The following KIAA1755 variants were observed in gnomAD, a reference collection of about 807,000 sequenced individuals.
The protein encoded by KIAA1755 is uncharacterized protein KIAA1755.
A neutral mutation model predicts 91.7 loss-of-function variants in KIAA1755; 68 were observed. The ratio of observed to expected loss-of-function variants is 0.74; its 90% CI spans 0.61 to 0.91. The LOEUF is 0.91. KIAA1755 is among the 40% of genes least tolerant of loss of function. The pLI is 0.00. For synonymous variants in KIAA1755, 610 were observed against 604.6 expected (o/e 1.01, Z -0.13); for missense variants, 1,535 against 1,494.4 (o/e 1.03, Z -0.45).
rs1471127316 is a variant in KIAA1755, at chr20:38,213,401, C to A, written c.3244G>T (p.Val1082Leu). ...CACCTCCCCTTGGAAGTGACCTCTA[C>A]ACTCACACCCTGGCCCTTGGCTGCC... ...GVAAKGQGVSVEVTSKGRWDQ... is the reference protein window; with the variant it reads ...GVAAKGQGVSLEVTSKGRWDQ... The change falls in exon 14 of 14, where the codon GTA becomes TTA. Residue 1082 changes from valine (V) to leucine (L), a missense_variant. Physicochemically the swap from Val to Leu is conservative, Grantham distance 32. Transcript: ENST00000279024. 1.9e-6 allele frequency: 3 copies of A among 1,600,782 alleles called. No homozygotes were observed. The highest frequency in any genetic ancestry group is 3.4e-5 in the Admixed American group (2 of 58,006).
intron 12 of KIAA1755, chr20:38,217,846 C>T (rs1466561108): frequency 9.5e-6 from 4 of 419,182 alleles, no homozygotes; most frequent in East Asian, 4.4e-5. Flanking sequence ...CCCCCGCCCC[C>T]GCTCCCCACT....
intron 4 of KIAA1755, 130 bp downstream of exon 4, chr20:38,239,398 C>A: frequency 1.4e-6 from 1 of 724,656 alleles, no homozygotes; most frequent in Non-Finnish European, 2.3e-6. Flanking sequence ...GAAACTGAGG[C>A]CCAAGGAGGC....
rs6023995 is a variant in KIAA1755 at position 38,213,641 on chromosome 20, G to C, written c.3004C>G (p.Leu1002Val). 2.2e-5 allele frequency: 36 copies of C among 1,610,106 alleles called. No homozygotes were observed. Among genetic ancestry groups the C allele is most frequent in the Non-Finnish European group, 2.8e-5 (33 of 1,178,258 alleles). ...GGGAACTCAGATGCCAGTCGCTGCA[G>C]GTAGCGGTGGAGGCGGCGCTGGTCC... ...PGDQRRLHRY[L>V]QRLASEFPAE... Residue 1002 changes from leucine to valine, a missense_variant, in exon 14 of 14, where the codon CTG becomes GTG. Physicochemically the swap from Leu to Val is conservative, Grantham distance 32. Coordinates refer to ENST00000279024, the MANE Select transcript of KIAA1755 (RefSeq NM_001029864.2).
rs1227653198 is a variant in KIAA1755 at position 38,212,924 on chromosome 20, T to G, written c.*118A>C. On this transcript the variant is annotated 3_prime_UTR_variant, in exon 14 of 14. Coordinates refer to ENST00000279024, the MANE Select transcript of KIAA1755 (RefSeq NM_001029864.2). The stretch of plus-strand genomic sequence containing the variant: ...TCATCCTCCCAGCAGAGGCAGAATG[T>G]AAAACCAGTGCTCCATGGTGACGTC... 1.3e-6 allele frequency: 1 copy of G among 769,192 alleles called. No homozygotes were observed. Among genetic ancestry groups the G allele is most frequent in the Non-Finnish European group, 2.0e-6 (1 of 493,952 alleles). 47.6% of individuals were successfully genotyped at this position (769,192 alleles called of 1,614,324 possible). A position where few individuals can be genotyped will look rare whatever the true frequency, so the allele number is the denominator to read the frequency against.
chr20:38,246,859 T>A (rs1429328670), intron 1 of KIAA1755, among the ~76,000 whole-genome samples: 1 of 152,130 alleles, frequency 6.6e-6, no homozygotes, highest in Non-Finnish European at 1.5e-5. Context: ...GCCAGAAATC[T>A]GCTCACAGCA....
intron 1 of KIAA1755, among the ~76,000 whole-genome samples, chr20:38,254,770 G>A (rs978334138): frequency 2.0e-5 from 3 of 150,874 alleles, no homozygotes; most frequent in Admixed American, 1.3e-4. Flanking sequence ...TGGGCAGAGC[G>A]AGTCCCCAAC....
intron 2 of KIAA1755, 106 bp from the exon 3 acceptor site, chr20:38,242,035 T>TGTTCC: frequency 5.1e-6 from 6 of 1,169,204 alleles, no homozygotes; most frequent in Non-Finnish European, 6.1e-6. Context: ...GGTCAGGGAC[T>TGTTCC]AGGATGAGGC....
At position 38,239,703 on chromosome 20, in the gene KIAA1755, T is replaced by A; in HGVS notation, c.1572A>T (p.Thr524=). ...LGKAGTTQTK[T]SGPATAPSPL... ...GGCTGGGGGCAGTGGCTGGGCCAGATGTTTTGGTCTGAGTTGTTCCAGCTG... is the reference window on the plus strand; with the variant it reads ...GGCTGGGGGCAGTGGCTGGGCCAGAAGTTTTGGTCTGAGTTGTTCCAGCTG... The change falls in exon 4 of 14, where the codon ACA becomes ACT. Residue 524 remains threonine (T), a synonymous_variant. Coordinates refer to ENST00000279024, the MANE Select transcript of KIAA1755 (RefSeq NM_001029864.2). The A allele has an allele frequency of 6.2e-7, 1 of 1,612,406 alleles. No homozygotes were observed. Among genetic ancestry groups the A allele is most frequent in the Non-Finnish European group, 8.5e-7 (1 of 1,179,954 alleles).
At chr20:38,233,764 T>C (rs907431923) in intron 4 of KIAA1755, 7 of 152,126 alleles carry the variant, frequency 4.6e-5, no homozygotes, top group African/African-American at 1.7e-4. Flanking sequence ...GGCATTGAAG[T>C]GTCTCAGGCT....
intron 1 of KIAA1755, among the ~76,000 whole-genome samples, chr20:38,252,752 T>G (rs1488363879): frequency 6.6e-6 from 1 of 152,150 alleles, no homozygotes; most frequent in Non-Finnish European, 1.5e-5. Flanking sequence ...CTGTTACCAT[T>G]TAAGGGGCAG....
chr20:38,218,188 C>G (rs1022919596), intron 12 of KIAA1755, 56 bp downstream of exon 12: 94 of 1,609,338 alleles, frequency 5.8e-5, no homozygotes, highest in Non-Finnish European at 7.7e-5. Flanking sequence ...AGTGCCACCC[C>G]CTCTAACGCC....
chr20:38,219,558 C>G (rs181893709), intron 11 of KIAA1755, 72 bp downstream of exon 11: 6 of 1,583,714 alleles, frequency 3.8e-6, no homozygotes, highest in Non-Finnish European at 5.2e-6. Context: ...AGGGACGGGC[C>G]CAGAGTCGGG....
Position 38,231,312 on chromosome 20 carries a change from C to A in KIAA1755, c.1761G>T (p.Arg587Ser). 1 of 1,608,784 alleles carries A rather than the reference C, an allele frequency of 6.2e-7. No individual in the cohort carries two copies. The highest frequency in any genetic ancestry group is 8.5e-7 in the Non-Finnish European group (1 of 1,178,524). ...ACACCAGAAGCAGGGGCCGCCCGGC[C>A]CTGTCCCGGCCACCTGGAGGACAGA... ...RIACLPGGRD[R>S]AGRPLLLVST... is the part of the protein sequence containing the mutation. Residue 587 changes from arginine (R) to serine (S), a missense_variant, in exon 5 of 14, where the codon AGG becomes AGT. Arg to Ser is a moderately radical substitution (Grantham distance 110). Transcript: ENST00000279024.
At chr20:38,244,707 G>T (rs1405940568) in intron 2 of KIAA1755, among the ~76,000 whole-genome samples, 2 of 152,016 alleles carry the variant, frequency 1.3e-5, no homozygotes, top group Non-Finnish European at 2.9e-5. Flanking sequence ...TCTGTTTTTT[G>T]TTTTTTGTTT....
Position 38,236,413 on chromosome 20 carries a change from T to G in KIAA1755, c.1747+3115A>C, listed in dbSNP as rs79993771. ...GAGCATTTACAGAAAATATTCCACC[T>G]CCAGGATGAGATCGCCTAGGAAGTG... On this transcript the variant is annotated intron_variant, in intron 4 of 13. Transcript: ENST00000279024. Among the ~76,000 whole-genome samples the G allele has an allele frequency of 8.7e-3, 1,329 of 152,258 alleles. 28 individuals carry two copies. Among genetic ancestry groups the G allele is most frequent in the African/African-American group, 0.03 (1,253 of 41,536 alleles).
At chr20:38,215,483 C>T (rs976109494) in intron 13 of KIAA1755, among the ~76,000 whole-genome samples, 2 of 152,142 alleles carry the variant, frequency 1.3e-5, no homozygotes, top group African/African-American at 2.4e-5. Context: ...AAGAGACAAG[C>T]GAGTGACAAG....
At chr20:38,247,475 C>G (rs1475707008) in intron 1 of KIAA1755, among the ~76,000 whole-genome samples, 1 of 152,220 alleles carries the variant, frequency 6.6e-6, no homozygotes, top group African/African-American at 2.4e-5. Context: ...GTCAACTCCT[C>G]CAGGAGATTT....
Position 38,228,162 on chromosome 20 carries a change from G to T in KIAA1755, c.1950C>A (p.Ala650=). ...TCCCACTCACCTGGGTGGCCTGCAG[G>T]GCGCTGACCAGACCGGGCTGTGGGG... ...RQPPQPGLVS[A]LQATQAQVPA... is the part of the protein sequence containing the mutation. The change falls in exon 6 of 14, where the codon GCC becomes GCA. Residue 650 remains alanine, a synonymous_variant. Coordinates refer to ENST00000279024, the MANE Select transcript of KIAA1755 (RefSeq NM_001029864.2). The T allele has an allele frequency of 6.2e-7, 1 of 1,602,082 alleles. No individual in the cohort carries two copies. The highest frequency in any genetic ancestry group is 8.5e-7 in the Non-Finnish European group (1 of 1,174,838).
At chr20:38,231,158 G>A (rs2075854253) in intron 5 of KIAA1755, 44 bp downstream of exon 5, 2 of 1,581,682 alleles carry the variant, frequency 1.3e-6, no homozygotes, top group African/African-American at 1.3e-5. Context: ...GGGCCCAGAG[G>A]GTTGAGGTGG....
Sources: allele counts gnomAD v4.1 joint callset (sites outside exome capture counted in the v4.1 genomes callset), GRCh38; gene constraint gnomAD v4.1.1; transcripts MANE v1.5; gene names NCBI Gene and HGNC (gene_info 2026-07-23, HGNC 2026-07-21).